HNRNPM: variants seen among roughly 807,000 people sequenced by gnomAD.
HNRNPM encodes heterogeneous nuclear ribonucleoprotein M.
A neutral mutation model predicts 73.1 loss-of-function variants in HNRNPM; 11 were observed. The ratio of observed to expected loss-of-function variants is 0.15; its 90% confidence interval spans 0.09 to 0.25. The LOEUF (loss-of-function observed/expected upper bound fraction) is 0.25, where lower values mean the gene tolerates loss of function less well. Among genes scored for constraint, HNRNPM ranks in the 10% least tolerant of loss-of-function variants. The pLI, the probability that HNRNPM is intolerant of heterozygous loss-of-function variation, is 1.00. For missense variants in HNRNPM, 789 were observed against 1,067.9 expected (o/e 0.74, Z 3.64); for synonymous variants, 407 against 355.2 (o/e 1.15, Z -1.64).
chr19:8,486,999 G>T, intron 14 of HNRNPM, 25 bp from the exon 15 acceptor site: 1 of 1,603,290 alleles, frequency 6.2e-7, no homozygotes, highest in Non-Finnish European at 8.5e-7. Context: ...TCACGCATCA[G>T]TCTCCCTTTT....
intron 15 of HNRNPM, chr19:8,487,637 C>G (rs1047665890): frequency 1.9e-5 from 3 of 154,898 alleles, no homozygotes; most frequent in African/African-American, 7.2e-5. Flanking sequence ...GAGCCCCCAC[C>G]CCGCATGCAC....
intron 12 of HNRNPM, among the ~76,000 whole-genome samples, chr19:8,480,233 G>A (rs1970814673): frequency 6.8e-6 from 1 of 147,140 alleles, no homozygotes. Flanking sequence ...AAAATTAGCC[G>A]GGCATGGTGG....
At chr19:8,476,151 A>G (rs1032408510) in intron 12 of HNRNPM, among the ~76,000 whole-genome samples, 1 of 151,980 alleles carries the variant, frequency 6.6e-6, no homozygotes, top group African/African-American at 2.4e-5. Flanking sequence ...GAGAACCACA[A>G]ATGGAGTGTG....
intron 8 of HNRNPM, 27 bp from the exon 9 acceptor site, chr19:8,468,747 G>A: frequency 6.3e-7 from 1 of 1,596,734 alleles, no homozygotes; most frequent in Non-Finnish European, 8.6e-7. Flanking sequence ...TGGATACTGA[G>A]ATTTGTTTGT....
intron 1 of HNRNPM, among the ~76,000 whole-genome samples, chr19:8,450,730 T>TTA (rs1319533441): frequency 0.084 from 5,935 of 71,038 alleles, 270 homozygotes; most frequent in African/African-American, 0.17. Flanking sequence ...TATTATTATT[T>TTA]TTTTTTTTTT....
intron 1 of HNRNPM, among the ~76,000 whole-genome samples, chr19:8,451,139 TAAGATAATC>T (rs1968590411): frequency 6.6e-6 from 1 of 152,092 alleles, no homozygotes; most frequent in Admixed American, 6.5e-5. Context: ...ACTCCTGACC[TAAGATAATC>T]CACCTGCCTC....
At chr19:8,486,727 C>G (rs528873847) in intron 14 of HNRNPM, among the ~76,000 whole-genome samples, 1 of 152,186 alleles carries the variant, frequency 6.6e-6, no homozygotes. Context: ...AATTATTTTC[C>G]CCAGCTCAGC....
intron 1 of HNRNPM, among the ~76,000 whole-genome samples, chr19:8,451,107 A>G (rs945240306): frequency 6.6e-6 from 1 of 152,124 alleles, no homozygotes; most frequent in East Asian, 1.9e-4. Flanking sequence ...GGGTTTCACC[A>G]TGTTGGCCAG....
At chr19:8,476,552 A>G (rs1280240146) in intron 12 of HNRNPM, among the ~76,000 whole-genome samples, 1 of 110,742 alleles carries the variant, frequency 9.0e-6, no homozygotes, top group Non-Finnish European at 2.0e-5. Context: ...ATCCCAGCGC[A>G]TTGAGATTAA....
At chr19:8,455,228 T>G (rs904084354) in intron 1 of HNRNPM, among the ~76,000 whole-genome samples, 177 bp from the exon 2 acceptor site, 1 of 152,094 alleles carries the variant, frequency 6.6e-6, no homozygotes, top group Non-Finnish European at 1.5e-5. Flanking sequence ...TGATCCCCCC[T>G]TCTTGGCTTC....
At chr19:8,485,302 T>G (rs1167060511) in intron 13 of HNRNPM, among the ~76,000 whole-genome samples, 1 of 152,104 alleles carries the variant, frequency 6.6e-6, no homozygotes, top group African/African-American at 2.4e-5. Flanking sequence ...GGAATTGACG[T>G]CCATGGTTCA....
Position 8,462,424 on chromosome 19 carries a change from T to C in HNRNPM, c.284-105T>C. On this transcript the variant is annotated intron_variant, in intron 2 of 15. Coordinates refer to ENST00000325495, the MANE Select transcript of HNRNPM (RefSeq NM_005968.5). This position sits in a 1 kb window ranked among gnomAD's most constrained non-coding sequence, Gnocchi z 4.5. ...TATGGAGTGTTTCTGGGCTTTCTTA[T>C]AAGGCAGAGGCTCCATACAAGGTTG... is the stretch of plus-strand genomic sequence containing the variant. 2 of 941,824 alleles carry C rather than the reference T, an allele frequency of 2.1e-6. No individual in the cohort carries two copies. Among genetic ancestry groups the C allele is most frequent in the Non-Finnish European group, 3.5e-6 (2 of 572,578 alleles). 58.3% of individuals were successfully genotyped at this position (941,824 alleles called of 1,614,324 possible).
intron 15 of HNRNPM, 38 bp from the exon 16 acceptor site, chr19:8,488,653 G>A (rs370923773): frequency 8.2e-6 from 13 of 1,580,544 alleles, no homozygotes; most frequent in African/African-American, 2.7e-5. Context: ...TAACAAAATC[G>A]GGACTGAGTG....
rs1259938880 is a variant in HNRNPM, at chr19:8,462,622, G to GA, written c.336+46dup. On this transcript the variant is annotated intron_variant, in intron 3 of 15. Transcript: ENST00000325495. The surrounding 1 kb of genome is among the most constrained non-coding windows in gnomAD (Gnocchi z 4.5). ...AATTTCTTCTGTGGATTTACTACAT[G>GA]AAAAATGTAACTGTATGGTGGCGTG... The GA allele has an allele frequency of 6.7e-7, 1 of 1,495,850 alleles. No homozygotes were observed. The highest frequency in any genetic ancestry group is 1.4e-5 in the African/African-American group (1 of 72,544). 92.7% of individuals were successfully genotyped at this position (1,495,850 alleles called of 1,614,324 possible).
intron 1 of HNRNPM, among the ~76,000 whole-genome samples, chr19:8,452,011 A>G (rs1329830851): frequency 2.0e-5 from 3 of 152,166 alleles, no homozygotes; most frequent in African/African-American, 7.2e-5. Context: ...TAGCCAGGGA[A>G]GGATTTGTTT....
In HNRNPM at chr19:8,485,911, G is replaced by C; in HGVS notation, c.1483G>C (p.Glu495Gln). The change falls in exon 14 of 16, where the codon GAG becomes CAG. Residue 495 changes from glutamate to glutamine, a missense_variant. By Grantham distance (29) the Glu-to-Gln change is conservative. Around this residue, in one of 4 missense-constraint regions of HNRNPM, gnomAD observed 604 missense variants for 744.0 expected, o/e 0.81. Transcript: ENST00000325495. Reference protein sequence around the residue: ...RMGAGMGFGLERMAAPIDRVG... With the variant: ...RMGAGMGFGLQRMAAPIDRVG... ...GGGTGCCGGCATGGGCTTCGGCCTT[G>C]AGCGCATGGCCGCTCCCATCGACCG... 6.2e-7 allele frequency: 1 copy of C among 1,605,334 alleles called. No homozygotes were observed. The highest frequency in any genetic ancestry group is 1.3e-5 in the African/African-American group (1 of 74,862).
At position 8,474,232 on chromosome 19, in the gene HNRNPM, G is replaced by A; in HGVS notation, c.1108G>A (p.Gly370Ser). ...TCGATTTGGATCTGGGATGAACATG[G>A]GCAGGATAAATGGTAAGCATCGTGT... ...MGRFGSGMNMGRINEILSNAL... is the reference protein window; with the variant it reads ...MGRFGSGMNMSRINEILSNAL... Residue 370 changes from glycine to serine, a missense_variant, in exon 12 of 16, where the codon GGC becomes AGC. Around this residue, in one of 4 missense-constraint regions of HNRNPM, gnomAD observed 604 missense variants for 744.0 expected, o/e 0.81. Transcript: ENST00000325495. 2 of 1,589,058 alleles carry A rather than the reference G, an allele frequency of 1.3e-6. No homozygotes were observed. Among genetic ancestry groups the A allele is most frequent in the Non-Finnish European group, 1.7e-6 (2 of 1,169,354 alleles).
chr19:8,454,803 G>C (rs560476916), intron 1 of HNRNPM, among the ~76,000 whole-genome samples: 2 of 149,488 alleles, frequency 1.3e-5, no homozygotes, highest in African/African-American at 4.9e-5. Flanking sequence ...CTCTTCTCCT[G>C]TTTCTGTCTT....
intron 15 of HNRNPM, 151 bp from the exon 16 acceptor site, chr19:8,488,540 G>GAAGAA (rs1971481882): frequency 1.4e-5 from 8 of 590,970 alleles, no homozygotes; most frequent in Non-Finnish European, 2.3e-5. Flanking sequence ...AAGAATGGCA[G>GAAGAA]TGTGGCTGAG....
Sources: allele counts gnomAD v4.1 joint callset (sites outside exome capture counted in the v4.1 genomes callset), GRCh38; gene constraint gnomAD v4.1.1; regional missense constraint gnomAD v4.1.1; non-coding constraint Gnocchi (gnomAD v3.1); transcripts MANE v1.5; gene names NCBI Gene and HGNC (gene_info 2026-07-23, HGNC 2026-07-21).